LDB2: variants seen among roughly 807,000 people sequenced by gnomAD.
LDB2 encodes LIM domain-binding protein 2.
In LDB2, 12 loss-of-function variants were observed where a neutral mutation model predicts 44.3. That is an observed-to-expected ratio of 0.27 (90% CI 0.17 to 0.44). The LOEUF (loss-of-function observed/expected upper bound fraction) is 0.44, where lower values mean the gene tolerates loss of function less well. Among genes scored for constraint, LDB2 ranks in the 20% least tolerant of loss-of-function variants. The probability of loss-of-function intolerance (pLI) is 1.00; values close to 1 mark genes in which losing one functional copy is unlikely to be tolerated. For missense variants in LDB2, 344 were observed against 473.5 expected (o/e 0.73, Z 2.54); for synonymous variants, 164 against 174.8 (o/e 0.94, Z 0.49).
intron 2 of LDB2, among the ~76,000 whole-genome samples, chr4:16,719,646 G>T (rs1249264396): frequency 6.6e-6 from 1 of 152,052 alleles, no homozygotes; most frequent in Admixed American, 6.6e-5. Context: ...TCATGTGTTG[G>T]AAATTTAACC....
At chr4:16,578,112 T>C (rs1171656256) in intron 5 of LDB2, among the ~76,000 whole-genome samples, 1 of 152,028 alleles carries the variant, frequency 6.6e-6, no homozygotes, top group Non-Finnish European at 1.5e-5. Context: ...ATGAAACTAC[T>C]AAAAGAAAAC....
At chr4:16,893,729 A>G (rs1338666339) in intron 1 of LDB2, among the ~76,000 whole-genome samples, 1 of 152,172 alleles carries the variant, frequency 6.6e-6, no homozygotes, top group Non-Finnish European at 1.5e-5. Context: ...GATAAAAGAA[A>G]AAAACCTCAA....
intron 5 of LDB2, among the ~76,000 whole-genome samples, chr4:16,539,245 A>G (rs575513878): frequency 6.6e-4 from 99 of 150,610 alleles, no homozygotes; most frequent in African/African-American, 2.1e-3. Flanking sequence ...GGTGGGTATT[A>G]TCTGGGTAAA....
At chr4:16,773,992 A>C (rs1356989313) in intron 1 of LDB2, among the ~76,000 whole-genome samples, 1 of 125,550 alleles carries the variant, frequency 8.0e-6, no homozygotes, top group African/African-American at 2.9e-5. Context: ...ATCTCTACTA[A>C]AAATACAAAA....
At chr4:16,573,876 A>G (rs1202563191) in intron 5 of LDB2, among the ~76,000 whole-genome samples, 1 of 152,124 alleles carries the variant, frequency 6.6e-6, no homozygotes, top group Non-Finnish European at 1.5e-5. Flanking sequence ...AAGGGGGTTG[A>G]ATTGTAATGC....
chr4:16,608,876 A>G (rs917768937), intron 2 of LDB2, among the ~76,000 whole-genome samples: 1 of 152,196 alleles, frequency 6.6e-6, no homozygotes, highest in Non-Finnish European at 1.5e-5. Context: ...ATTGCAGGTC[A>G]CAGCTCAGGC....
chr4:16,617,227 T>A (rs1346136077), intron 2 of LDB2, among the ~76,000 whole-genome samples: 1 of 152,066 alleles, frequency 6.6e-6, no homozygotes, highest in East Asian at 1.9e-4. Context: ...GGAGATCAGA[T>A]GGGACAGGCA....
At chr4:16,672,318 T>C (rs1744979724) in intron 2 of LDB2, among the ~76,000 whole-genome samples, 1 of 152,180 alleles carries the variant, frequency 6.6e-6, no homozygotes, top group Non-Finnish European at 1.5e-5. Context: ...ATTCCCAGAA[T>C]GCAGATGTCT....
intron 5 of LDB2, among the ~76,000 whole-genome samples, chr4:16,561,214 C>A (rs1345190559): frequency 6.6e-6 from 1 of 152,002 alleles, no homozygotes; most frequent in Non-Finnish European, 1.5e-5. Flanking sequence ...GAAGTTCTGG[C>A]CAGGGCAATT....
intron 2 of LDB2, among the ~76,000 whole-genome samples, chr4:16,733,921 A>G (rs1441438504): frequency 6.6e-6 from 1 of 152,216 alleles, no homozygotes; most frequent in Non-Finnish European, 1.5e-5. Context: ...AACAGATATA[A>G]TAAATAAAAT....
At chr4:16,880,680 C>T (rs1236516643) in intron 1 of LDB2, among the ~76,000 whole-genome samples, 3 of 151,988 alleles carry the variant, frequency 2.0e-5, no homozygotes, top group East Asian at 1.9e-4. Flanking sequence ...AGCCAGGCGT[C>T]GGATCACGAG....
chr4:16,560,975 T>A (rs939631734), intron 5 of LDB2, among the ~76,000 whole-genome samples: 1 of 152,216 alleles, frequency 6.6e-6, no homozygotes, highest in Admixed American at 6.5e-5. Flanking sequence ...ACCACATGAT[T>A]ATCTCAAAAG....
chr4:16,882,621 C>T (rs912343021), intron 1 of LDB2, among the ~76,000 whole-genome samples: 7 of 152,144 alleles, frequency 4.6e-5, no homozygotes, highest in Non-Finnish European at 1.0e-4. Context: ...GCTGAGATTT[C>T]AGCTTCTAAC....
At chr4:16,659,665 A>ATGTGTGTG (rs1285754753) in intron 2 of LDB2, among the ~76,000 whole-genome samples, 11 of 104,530 alleles carry the variant, frequency 1.1e-4, no homozygotes, top group East Asian at 2.5e-4. Context: ...GAGTATATCT[A>ATGTGTGTG]TGTGTGTATA....
At chr4:16,538,164 A>G (rs984935654) in intron 5 of LDB2, among the ~76,000 whole-genome samples, 3 of 152,146 alleles carry the variant, frequency 2.0e-5, no homozygotes, top group African/African-American at 7.2e-5. Flanking sequence ...CCCCTCTTAA[A>G]GCAGCAAAAG....
chr4:16,752,212 T>C (rs988592438), intron 2 of LDB2, among the ~76,000 whole-genome samples: 1 of 152,226 alleles, frequency 6.6e-6, no homozygotes, highest in African/African-American at 2.4e-5. Context: ...TCAAAATCAA[T>C]TTCCTTTCCT....
intron 1 of LDB2, among the ~76,000 whole-genome samples, chr4:16,765,284 G>A (rs1319355715): frequency 6.6e-6 from 1 of 152,218 alleles, no homozygotes; most frequent in Admixed American, 6.5e-5. Context: ...CCAGCAATGT[G>A]TTGAGCCAAG....
chr4:16,808,816 C>T (rs541401572), intron 1 of LDB2, among the ~76,000 whole-genome samples: 21 of 152,236 alleles, frequency 1.4e-4, no homozygotes, highest in African/African-American at 5.1e-4. Context: ...CTGTATTACA[C>T]GCATTAGTAC....
At chr4:16,811,365 A>C (rs1165607040) in intron 1 of LDB2, among the ~76,000 whole-genome samples, 1 of 152,210 alleles carries the variant, frequency 6.6e-6, no homozygotes, top group Non-Finnish European at 1.5e-5. Flanking sequence ...GCTTTCTGTC[A>C]GATTGATTAG....
Sources: allele counts gnomAD v4.1 joint callset (sites outside exome capture counted in the v4.1 genomes callset), GRCh38; gene constraint gnomAD v4.1.1; transcripts MANE v1.5; gene names NCBI Gene and HGNC (gene_info 2026-07-23, HGNC 2026-07-21).